The following SUCLA2 variants were observed in gnomAD, a reference collection of about 807,000 sequenced individuals.
SUCLA2 encodes succinate-CoA ligase ADP-forming subunit beta, also known as succinate--CoA ligase [ADP-forming] subunit beta, mitochondrial.
In SUCLA2, 30 loss-of-function variants were observed where a neutral mutation model predicts 54.8. The ratio of observed to expected loss-of-function variants is 0.55; its 90% CI spans 0.41 to 0.74. The LOEUF is 0.74. SUCLA2 is among the 30% of genes least tolerant of loss of function. SUCLA2 has a pLI of 0.00. For synonymous variants in SUCLA2, 172 were observed against 188.9 expected, an observed-to-expected ratio of 0.91 and a Z score of 0.74; for missense variants, 476 against 562.9, an observed-to-expected ratio of 0.85 and a Z score of 1.56.
In SUCLA2 at chr13:47,973,375, T is replaced by C; in HGVS notation, c.552A>G (p.Gly184=). The C allele has an allele frequency of 6.2e-7, 1 of 1,613,560 alleles. No homozygotes were observed. Residue 184 remains glycine, a synonymous_variant, in exon 5 of 11, where the codon GGA becomes GGG. Coordinates refer to ENST00000646932, the MANE Select transcript of SUCLA2 (RefSeq NM_003850.3). ...CAATGTTGACACCACCATGTGAACT[T>C]CCTATTAATACAGGACCCTGGCAAG... ...ERSFQGPVLI[G]SSHGGVNIED...
chr13:47,980,995 T>G (rs942683251), intron 4 of SUCLA2, among the ~76,000 whole-genome samples: 2 of 151,976 alleles, frequency 1.3e-5, no homozygotes, highest in African/African-American at 4.8e-5. Flanking sequence ...ATAAAACTCA[T>G]AGAAGAAAAC....
At chr13:47,976,832 G>A (rs1180679748) in intron 4 of SUCLA2, among the ~76,000 whole-genome samples, 1 of 152,082 alleles carries the variant, frequency 6.6e-6, no homozygotes, top group Non-Finnish European at 1.5e-5. Flanking sequence ...TCATGTCAGT[G>A]CTCCAAAAGC....
chr13:47,953,508 A>G (rs1364853277), intron 8 of SUCLA2, among the ~76,000 whole-genome samples: 1 of 152,224 alleles, frequency 6.6e-6, no homozygotes, highest in Non-Finnish European at 1.5e-5. Context: ...TATGGAAAAT[A>G]AGGCTGTAGG....
At chr13:47,950,662 A>C (rs1886976) in intron 8 of SUCLA2, among the ~76,000 whole-genome samples, 3 of 151,306 alleles carry the variant, frequency 2.0e-5, no homozygotes, top group Non-Finnish European at 4.4e-5. Flanking sequence ...TCTCTTTTTT[A>C]AAAAAAAGAG....
At chr13:47,977,001 G>GAA (rs201766625) in intron 4 of SUCLA2, among the ~76,000 whole-genome samples, 17 of 132,368 alleles carry the variant, frequency 1.3e-4, no homozygotes, top group African/African-American at 3.5e-4. Context: ...ACAAGGAACA[G>GAA]AAAAAAAAAA....
chr13:47,996,302 A>G (rs949389974), intron 2 of SUCLA2, among the ~76,000 whole-genome samples: 1 of 150,754 alleles, frequency 6.6e-6, no homozygotes, highest in Non-Finnish European at 1.5e-5. Context: ...CAACCTGGGC[A>G]ATAAGAATGA....
rs142020748 is a variant in SUCLA2, at chr13:47,954,549, T to C, written c.811A>G (p.Met271Val). The C allele has an allele frequency of 7.3e-4, 1,175 of 1,613,596 alleles. 15 individuals carry two copies. The Admixed American group carries it at 0.018, about 25-fold the overall frequency. ...VEDSDGAVLC[M>V]DAKINFDSNS... ...GAGTCAAAATTGATCTTTGCATCCA[T>C]ACACAATACTTTGAAGGGAAAAAGA... The change falls in exon 7 of 11, where the codon ATG (methionine) becomes GTG (valine). Residue 271 changes from methionine to valine, a missense_variant. Coordinates refer to ENST00000646932, the MANE Select transcript of SUCLA2 (RefSeq NM_003850.3).
In SUCLA2 at chr13:47,983,184, A is replaced by T. The variant is rs1950072784; in HGVS notation, c.534+5357T>A. ...GAGGCTAAAGAAGAGAACATTAGCA[A>T]GTCTAAGTAAAGAGAAATGTTTGAA... On this transcript the variant is annotated intron_variant, in intron 4 of 10. Transcript: ENST00000646932. 2.0e-5 allele frequency among the ~76,000 whole-genome samples: 3 copies of T among 152,230 alleles called. 1 individual carries two copies. The South Asian group carries it at 6.2e-4, about 32-fold the overall frequency.
At chr13:47,947,342 CA>C (rs202022994) in intron 10 of SUCLA2, among the ~76,000 whole-genome samples, 180 of 150,306 alleles carry the variant, frequency 1.2e-3, no homozygotes, top group African/African-American at 4.2e-3. Context: ...AAACAAAAAA[CA>C]AAAAAAACCC....
intron 6 of SUCLA2, among the ~76,000 whole-genome samples, chr13:47,961,639 G>C (rs149251832): frequency 0.012 from 1,768 of 152,232 alleles, 22 homozygotes; most frequent in Middle Eastern, 0.037. Flanking sequence ...GTATTTAACT[G>C]TCTTTGGGTT....
intron 2 of SUCLA2, among the ~76,000 whole-genome samples, chr13:47,990,077 G>A (rs192613258): frequency 1.3e-5 from 2 of 152,260 alleles, no homozygotes; most frequent in Admixed American, 1.3e-4. Context: ...GCCCGGTGCG[G>A]TGGCTCACTC....
intron 6 of SUCLA2, among the ~76,000 whole-genome samples, chr13:47,967,417 G>A (rs1593487897): frequency 6.6e-6 from 1 of 151,902 alleles, no homozygotes; most frequent in Admixed American, 6.6e-5. Context: ...AGACTTAAAA[G>A]TAAAAATGAA....
intron 7 of SUCLA2, 32 bp from the exon 8 acceptor site, chr13:47,954,314 C>A (rs1263830516): frequency 6.2e-7 from 1 of 1,613,648 alleles, no homozygotes; most frequent in Admixed American, 1.7e-5. Context: ...GTATAAGCAA[C>A]AAACACAGAG....
intron 2 of SUCLA2, among the ~76,000 whole-genome samples, chr13:47,993,951 T>C (rs1462075940): frequency 6.7e-6 from 1 of 150,146 alleles, no homozygotes; most frequent in East Asian, 2.0e-4. Flanking sequence ...GGAGAACTGC[T>C]TGAACCCAGG....
intron 4 of SUCLA2, among the ~76,000 whole-genome samples, chr13:47,981,848 G>A (rs1950062709): frequency 6.6e-6 from 1 of 151,998 alleles, no homozygotes; most frequent in African/African-American, 2.4e-5. Context: ...AGCAGGGTGT[G>A]GTGGTGGGTG....
intron 4 of SUCLA2, among the ~76,000 whole-genome samples, chr13:47,980,023 G>C (rs1378725075): frequency 6.6e-6 from 1 of 152,208 alleles, no homozygotes; most frequent in African/African-American, 2.4e-5. Context: ...AATAATTCCA[G>C]TTAAAATCAA....
intron 6 of SUCLA2, among the ~76,000 whole-genome samples, chr13:47,955,258 G>A (rs896966448): frequency 6.6e-6 from 1 of 152,088 alleles, no homozygotes; most frequent in Non-Finnish European, 1.5e-5. Flanking sequence ...CTAGAGTGCA[G>A]TGGCATGCTC....
chr13:47,953,604 G>A (rs1949793447), intron 8 of SUCLA2, among the ~76,000 whole-genome samples: 1 of 152,094 alleles, frequency 6.6e-6, no homozygotes, highest in East Asian at 1.9e-4. Flanking sequence ...ATTGCCAGCA[G>A]CATCATCAAT....
intron 10 of SUCLA2, among the ~76,000 whole-genome samples, chr13:47,946,580 G>A (rs1593475625): frequency 7.3e-6 from 1 of 137,856 alleles, no homozygotes; most frequent in Non-Finnish European, 1.6e-5. Flanking sequence ...AAAAGGTTGT[G>A]TTTTTTTTTT....
Sources: gnomAD v4.1 joint callset for allele counts (sites outside exome capture counted in the v4.1 genomes callset) on GRCh38, gnomAD v4.1.1 for gene constraint, MANE v1.5 for transcripts, NCBI Gene and HGNC (gene_info 2026-07-23, HGNC 2026-07-21) for gene names.